The following CRACR2A variants were observed in gnomAD, a reference collection of about 807,000 sequenced individuals.
CRACR2A encodes the protein calcium release activated channel regulator 2A.
CRACR2A carries 79 observed loss-of-function variants against 90.5 expected under a neutral mutation model. The ratio of observed to expected loss-of-function variants is 0.87; its 90% confidence interval spans 0.73 to 1.05. CRACR2A has a LOEUF of 1.05. CRACR2A is among the 50% of genes least tolerant of loss of function. CRACR2A has a pLI of 0.00. For synonymous variants in CRACR2A, 338 were observed against 356.7 expected (o/e 0.95, Z 0.59); for missense variants, 823 against 897.2 (o/e 0.92, Z 1.06).
rs959490726 is a variant in CRACR2A at position 3,665,126 on chromosome 12, G to T, written c.672-5472C>A. Among the ~76,000 whole-genome samples the T allele has an allele frequency of 2.6e-5, 4 of 152,334 alleles. No individual in the cohort carries two copies. The South Asian group carries it at 8.3e-4, about 32-fold the overall frequency. ...AGTTATGTAACGCAGAAGAGACGAA[G>T]AAGAGGTAGATGAAAGAAGAGTGAG... On this transcript the variant is annotated intron_variant, in intron 7 of 19. Coordinates refer to ENST00000440314, the MANE Select transcript of CRACR2A (RefSeq NM_001144958.2).
chr12:3,653,129 T>C (rs1454382583), intron 10 of CRACR2A, among the ~76,000 whole-genome samples: 1 of 152,092 alleles, frequency 6.6e-6, no homozygotes, highest in Non-Finnish European at 1.5e-5. Context: ...ATTACAGGCG[T>C]GCGCCATCAT....
rs543267021 is a variant in CRACR2A at position 3,691,623 on chromosome 12, T to C, written c.228+5149A>G. Among the ~76,000 whole-genome samples, 155 of 152,330 alleles carry C rather than the reference T, an allele frequency of 1.0e-3. 1 individual carries two copies. The highest frequency in any genetic ancestry group is 3.5e-3 in the African/African-American group (147 of 41,580). ...ATCTGATTATTATGTGTTTTGAGGATTGAGGATGATCTTCTTGTGAAGTAT... is the reference window on the plus strand; with the variant it reads ...ATCTGATTATTATGTGTTTTGAGGACTGAGGATGATCTTCTTGTGAAGTAT... On this transcript the variant is annotated intron_variant, in intron 4 of 19. Coordinates refer to ENST00000440314, the MANE Select transcript of CRACR2A (RefSeq NM_001144958.2).
chr12:3,679,208 G>A, intron 5 of CRACR2A, 110 bp from the exon 6 acceptor site: 1 of 1,133,394 alleles, frequency 8.8e-7, no homozygotes, highest in Non-Finnish European at 1.2e-6. Flanking sequence ...GAAGGAAAGG[G>A]AAGGGAAAGC....
chr12:3,692,206 G>A (rs1436593109), intron 4 of CRACR2A, among the ~76,000 whole-genome samples: 2 of 152,180 alleles, frequency 1.3e-5, no homozygotes, highest in African/African-American at 4.8e-5. Context: ...TGCTATTGAA[G>A]GCACTCTGGC....
At chr12:3,722,025 T>C (rs1345133347) in intron 2 of CRACR2A, among the ~76,000 whole-genome samples, 3 of 152,228 alleles carry the variant, frequency 2.0e-5, no homozygotes, top group Non-Finnish European at 4.4e-5. Flanking sequence ...CAATGGCCTT[T>C]TGTGATTGTT....
At chr12:3,636,730 A>G (rs1400379344) in intron 14 of CRACR2A, among the ~76,000 whole-genome samples, 2 of 152,228 alleles carry the variant, frequency 1.3e-5, no homozygotes, top group Non-Finnish European at 2.9e-5. Context: ...AAGGGCATGC[A>G]GGAGGGAGGG....
intron 2 of CRACR2A, chr12:3,727,771 T>C (rs1394363319): frequency 2.6e-5 from 4 of 152,182 alleles, no homozygotes; most frequent in Non-Finnish European, 4.4e-5. Context: ...AAAAACTACC[T>C]ATTGCATACT....
chr12:3,731,623 G>C (rs1946362386), intron 2 of CRACR2A: 1 of 152,198 alleles, frequency 6.6e-6, no homozygotes, highest in African/African-American at 2.4e-5. Flanking sequence ...TAGTGTGGCA[G>C]CTTGAACTGT....
intron 10 of CRACR2A, among the ~76,000 whole-genome samples, chr12:3,651,744 A>C (rs1418816198): frequency 6.6e-6 from 1 of 152,164 alleles, no homozygotes. Flanking sequence ...GTCAGAGAGC[A>C]TGGGACTATC....
intron 13 of CRACR2A, among the ~76,000 whole-genome samples, chr12:3,641,509 A>G (rs1419459867): frequency 6.6e-6 from 1 of 152,192 alleles, no homozygotes; most frequent in Non-Finnish European, 1.5e-5. Flanking sequence ...GGGCAGCCTC[A>G]GAAGACAATG....
intron 14 of CRACR2A, among the ~76,000 whole-genome samples, chr12:3,637,897 A>G (rs377356990): frequency 6.6e-6 from 1 of 152,318 alleles, no homozygotes; most frequent in African/African-American, 2.4e-5. Flanking sequence ...TTTGAGCGTT[A>G]TTACAAACAC....
At chr12:3,628,160 ACTCT>A (rs1327144032) in intron 15 of CRACR2A, among the ~76,000 whole-genome samples, 138 of 115,488 alleles carry the variant, frequency 1.2e-3, no homozygotes, top group South Asian at 8.7e-3. Flanking sequence ...CTCTCCCCCA[ACTCT>A]CTCTTTCTTT....
At position 3,619,268 on chromosome 12, in the gene CRACR2A, T is replaced by C; in HGVS notation, c.2034+3A>G. Reference sequence around the variant, plus strand: ...CAGAGAGATGGAAATGCTTGCTCTTTACCGTGGCAAGCTGCTCTCCGAGGC... The same window carrying C: ...CAGAGAGATGGAAATGCTTGCTCTTCACCGTGGCAAGCTGCTCTCCGAGGC... On this transcript the variant is annotated splice_donor_region_variant and intron_variant, in intron 18 of 19. Transcript: ENST00000440314. The C allele has an allele frequency of 6.5e-7, 1 of 1,550,216 alleles. No individual in the cohort carries two copies. The highest frequency in any genetic ancestry group is 8.7e-7 in the Non-Finnish European group (1 of 1,145,706).
chr12:3,641,610 G>T, intron 13 of CRACR2A, 122 bp downstream of exon 13: 1 of 740,388 alleles, frequency 1.4e-6, no homozygotes, highest in Non-Finnish European at 2.2e-6. Context: ...TGAGGGGAGT[G>T]AGTGCAGCTG....
At chr12:3,669,999 A>G (rs2137559345) in intron 7 of CRACR2A, among the ~76,000 whole-genome samples, 1 of 152,342 alleles carries the variant, frequency 6.6e-6, no homozygotes, top group East Asian at 1.9e-4. Flanking sequence ...CTAATGTTTC[A>G]TTTGCAGGAG....
intron 4 of CRACR2A, 112 bp downstream of exon 4, chr12:3,696,660 C>T: frequency 1.4e-6 from 2 of 1,450,822 alleles, no homozygotes; most frequent in East Asian, 2.3e-5. Context: ...CAAGACAGAA[C>T]TGGTGGCATC....
chr12:3,646,746 C>T (rs1294142345), intron 11 of CRACR2A, among the ~76,000 whole-genome samples: 4 of 152,194 alleles, frequency 2.6e-5, no homozygotes, highest in South Asian at 4.1e-4. Context: ...CTTGGGAGAC[C>T]TGGAAAGTCC....
intron 2 of CRACR2A, among the ~76,000 whole-genome samples, chr12:3,725,374 A>G (rs529830751): frequency 6.6e-6 from 1 of 152,268 alleles, no homozygotes; most frequent in Admixed American, 6.5e-5. Context: ...TGGTACCTCC[A>G]GGTGTTCCTT....
chr12:3,665,592 G>A (rs1203023154), intron 7 of CRACR2A, among the ~76,000 whole-genome samples: 2 of 152,210 alleles, frequency 1.3e-5, no homozygotes, highest in Non-Finnish European at 2.9e-5. Flanking sequence ...ATTCTCCAGA[G>A]GCCAAGGACC....
Sources: gnomAD v4.1 joint callset for allele counts (sites outside exome capture counted in the v4.1 genomes callset) on GRCh38, gnomAD v4.1.1 for gene constraint, MANE v1.5 for transcripts, NCBI Gene and HGNC (gene_info 2026-07-23, HGNC 2026-07-21) for gene names.